Variants in ZGLP1 observed in about 807,000 individuals in gnomAD.
ZGLP1 encodes zinc finger GATA like protein 1.
ZGLP1 carries 11 observed loss-of-function variants against 21.4 expected under a neutral mutation model. That is an observed-to-expected ratio of 0.51 (90% CI 0.32 to 0.85). ZGLP1 has a LOEUF of 0.85. Ranked by LOEUF, ZGLP1 falls within the 40% of genes least tolerant of loss-of-function variation. The probability of loss-of-function intolerance (pLI) is 0.03; values close to 1 mark genes in which losing one functional copy is unlikely to be tolerated. For missense variants in ZGLP1, 295 were observed against 355.6 expected, an observed-to-expected ratio of 0.83 and a Z score of 1.37; for synonymous variants, 148 against 145.0, an observed-to-expected ratio of 1.02 and a Z score of -0.15.
In ZGLP1 at chr19:10,308,614, GTTC is replaced by G. The variant is rs775707038; in HGVS notation, c.65_67del (p.Gly22_Thr23delinsAla). ...ACTCCTGGGTTTAGCCGGCCAGGGG[GTTC>G]CAACTTGGGCCGGCTCTTTGTGTAC... On this transcript the variant is annotated inframe_deletion, in exon 1 of 4. Coordinates refer to ENST00000403903, the Ensembl canonical transcript of ZGLP1. The G allele has an allele frequency of 2.6e-6, 4 of 1,540,460 alleles. No homozygotes were observed. In the East Asian group the frequency reaches 6.8e-5, roughly 26 times the overall value.
At chr19:10,307,044 G>A (rs536928677) in intron 1 of ZGLP1, among the ~76,000 whole-genome samples, 7 of 151,374 alleles carry the variant, frequency 4.6e-5, no homozygotes, top group African/African-American at 1.5e-4. Context: ...TGAGGCAGGA[G>A]AATCGTTTGA....
exon 1 of ZGLP1, chr19:10,308,468 C>G: frequency 4.3e-6 from 7 of 1,611,536 alleles, no homozygotes; most frequent in Non-Finnish European, 5.9e-6. Flanking sequence ...GTGTCCTGGG[C>G]AGGGGACTGA....
exon 1 of ZGLP1, chr19:10,308,925 C>A (rs557491698): frequency 1.5e-5 from 5 of 343,340 alleles, no homozygotes; most frequent in East Asian, 4.4e-5. Flanking sequence ...TCTGTACCCC[C>A]GCCTGGAGTG....
chr19:10,305,527 T>C lies in ZGLP1; in HGVS notation c.605-44A>G, dbSNP rs1292000786. The C allele has an allele frequency of 9.2e-6, 14 of 1,528,654 alleles. No homozygotes were observed. Among genetic ancestry groups the C allele is most frequent in the Admixed American group, 5.8e-5 (3 of 51,494 alleles). 94.7% of individuals were successfully genotyped at this position (1,528,654 alleles called of 1,614,324 possible). A position where few individuals can be genotyped will look rare whatever the true frequency, so the allele number is the denominator to read the frequency against. On this transcript the variant is annotated intron_variant, in intron 2 of 3. Coordinates refer to ENST00000403903, the Ensembl canonical transcript of ZGLP1. This position sits in a 1 kb window ranked among gnomAD's most constrained non-coding sequence, Gnocchi z 4.7. ...AAGGGCAGGGGTCAGAGGCCAAGCA[T>C]GTGAGCTCGGGATGCCTGTGCGGAG...
chr19:10,305,727 C>T lies in ZGLP1; in HGVS notation c.604+119G>A. The stretch of plus-strand genomic sequence containing the variant: ...CCAAGTGGAGGGGGGTGCTGCGACT[C>T]CTCCCTGAGGGCTCTAAATGGGGAA... On this transcript the variant is annotated intron_variant, in intron 2 of 3. Coordinates refer to ENST00000403903, the Ensembl canonical transcript of ZGLP1. The surrounding 1 kb of genome is among the most constrained non-coding windows in gnomAD (Gnocchi z 4.7). 3 of 875,422 alleles carry T rather than the reference C, an allele frequency of 3.4e-6. No individual in the cohort carries two copies. The highest frequency in any genetic ancestry group is 5.5e-6 in the Non-Finnish European group (3 of 542,900). 54.2% of individuals were successfully genotyped at this position (875,422 alleles called of 1,614,324 possible).
intron 1 of ZGLP1, among the ~76,000 whole-genome samples, chr19:10,307,516 G>GTTT (rs34638207): frequency 3.1e-5 from 4 of 130,586 alleles, no homozygotes; most frequent in Non-Finnish European, 3.2e-5. Flanking sequence ...TTCCCAGCTA[G>GTTT]TTTTTTTTTT....
rs2040273105 is a variant in ZGLP1 at position 10,305,323 on chromosome 19, G to A, written c.698+67C>T. 6.5e-7 allele frequency: 1 copy of A among 1,539,654 alleles called. No individual in the cohort carries two copies. Among genetic ancestry groups the A allele is most frequent in the Non-Finnish European group, 8.9e-7 (1 of 1,128,350 alleles). ...GTTTTGCTTTTTGCTTTCCCCACAG[G>A]CCATCCTGGTTACACGTGGACTGAT... On this transcript the variant is annotated intron_variant, in intron 3 of 3. Coordinates refer to ENST00000403903, the Ensembl canonical transcript of ZGLP1. This position sits in a 1 kb window ranked among gnomAD's most constrained non-coding sequence, Gnocchi z 4.7.
rs758177089 is a variant in ZGLP1 at position 10,305,888 on chromosome 19, G to T, written c.562C>A (p.Pro188Thr). Residue 188 changes from proline (P) to threonine (T), a missense_variant, in exon 2 of 4, where the codon CCA becomes ACA. Physicochemically the swap from Pro to Thr is conservative, Grantham distance 38. Around this residue, in one of 2 missense-constraint regions of ZGLP1, gnomAD observed 252 missense variants for 264.0 expected, o/e 0.95. Coordinates refer to ENST00000403903, the Ensembl canonical transcript of ZGLP1. The surrounding 1 kb of genome is among the most constrained non-coding windows in gnomAD (Gnocchi z 4.7). The stretch of plus-strand genomic sequence containing the variant: ...GCTGAGTGGGCCTCGGTGCCTCCTG[G>T]GTGGGCTGCAGGGCCCCCAACAGCA... 1.8e-5 allele frequency: 28 copies of T among 1,563,964 alleles called. 1 individual carries two copies. The South Asian group carries it at 3.1e-4, about 17-fold the overall frequency.
Position 10,305,142 on chromosome 19 carries a change from C to G in ZGLP1, c.765G>C (p.Lys255Asn). ...ACACTCCACATCTGCCACATAGCCTCTTGGGCTGGACATTTTTCCTGGGCA... is the reference window on the plus strand; with the variant it reads ...ACACTCCACATCTGCCACATAGCCTGTTGGGCTGGACATTTTTCCTGGGCA... Residue 255 changes from lysine (K) to asparagine (N), a missense_variant, in exon 4 of 4, where the codon AAG (lysine) becomes AAC (asparagine). Physicochemically the swap from Lys to Asn is moderately conservative, Grantham distance 94 (BLOSUM62 0). This residue lies in a region of ZGLP1 where 43 missense variants were observed against 91.7 expected (regional missense o/e 0.47). Transcript: ENST00000403903. The surrounding 1 kb of genome is among the most constrained non-coding windows in gnomAD (Gnocchi z 4.7). 6 of 1,614,012 alleles carry G rather than the reference C, an allele frequency of 3.7e-6. No homozygotes were observed. The highest frequency in any genetic ancestry group is 5.1e-6 in the Non-Finnish European group (6 of 1,179,904).
Position 10,305,212 on chromosome 19 carries a change from G to A in ZGLP1, c.699-4C>T, listed in dbSNP as rs1424490193. ...GCGAGTGCCGTATTTCTTGTACCTA[G>A]GGTTGGGGGACAAGAAACTGCCATT... is the stretch of plus-strand genomic sequence containing the variant. On this transcript the variant is annotated splice_region_variant and splice_polypyrimidine_tract_variant and intron_variant, in intron 3 of 3. Transcript: ENST00000403903. This position sits in a 1 kb window ranked among gnomAD's most constrained non-coding sequence, Gnocchi z 4.7. 2.5e-6 allele frequency: 4 copies of A among 1,613,196 alleles called. No individual in the cohort carries two copies. In the Admixed American group the frequency reaches 6.7e-5, roughly 27 times the overall value.
At position 10,305,447 on chromosome 19, in the gene ZGLP1, G is replaced by C; in HGVS notation, c.641C>G (p.Thr214Ser). 6.2e-7 allele frequency: 1 copy of C among 1,600,060 alleles called. No homozygotes were observed. Among genetic ancestry groups the C allele is most frequent in the Non-Finnish European group, 8.5e-7 (1 of 1,173,498 alleles). The change falls in exon 3 of 4, where the codon ACC becomes AGC. Residue 214 changes from threonine to serine, a missense_variant. By Grantham distance (58) the Thr-to-Ser change is moderately conservative. Coordinates refer to ENST00000403903, the Ensembl canonical transcript of ZGLP1. This position sits in a 1 kb window ranked among gnomAD's most constrained non-coding sequence, Gnocchi z 4.7. ...ATCTTCAGCGTCTCTCCAGAGCGGG[G>C]TCCTCTGGGTCCGACAGGAAGCACA... is the stretch of plus-strand genomic sequence containing the variant.
At chr19:10,308,331 C>T (rs767271194) in exon 1 of ZGLP1, 1 of 1,610,674 alleles carries the variant, frequency 6.2e-7, no homozygotes, top group Non-Finnish European at 8.5e-7. Context: ...CCGAGGGAGT[C>T]CCCGGGGGCT....
chr19:10,306,807 C>T (rs2040282225), intron 1 of ZGLP1, among the ~76,000 whole-genome samples: 1 of 151,618 alleles, frequency 6.6e-6, no homozygotes, highest in African/African-American at 2.4e-5. Context: ...AGAGCAAGAC[C>T]CTGTCTCAAA....
intron 1 of ZGLP1, among the ~76,000 whole-genome samples, chr19:10,306,994 C>T (rs1400331508): frequency 6.6e-6 from 1 of 151,688 alleles, no homozygotes; most frequent in African/African-American, 2.4e-5. Context: ...ATTAGCCAGG[C>T]GTGGTAGCAG....
exon 4 of ZGLP1, chr19:10,304,905 G>A: frequency 1.7e-6 from 1 of 598,012 alleles, no homozygotes; most frequent in Non-Finnish European, 3.0e-6. Context: ...TGGAGAAGGG[G>A]CTGGTGACCC....
In ZGLP1 at chr19:10,305,215, T is replaced by G. The variant is rs1266186146; in HGVS notation, c.699-7A>C. On this transcript the variant is annotated splice_region_variant and splice_polypyrimidine_tract_variant and intron_variant, in intron 3 of 3. Transcript: ENST00000403903. The surrounding 1 kb of genome is among the most constrained non-coding windows in gnomAD (Gnocchi z 4.7). Reference sequence around the variant, plus strand: ...AGTGCCGTATTTCTTGTACCTAGGGTTGGGGGACAAGAAACTGCCATTTAG... The same window carrying G: ...AGTGCCGTATTTCTTGTACCTAGGGGTGGGGGACAAGAAACTGCCATTTAG... The G allele has an allele frequency of 1.2e-6, 2 of 1,612,690 alleles. No individual in the cohort carries two copies. The highest frequency in any genetic ancestry group is 3.3e-5 in the Admixed American group (2 of 59,918).
intron 1 of ZGLP1, among the ~76,000 whole-genome samples, chr19:10,307,452 C>A (rs920832117): frequency 6.6e-6 from 1 of 150,704 alleles, no homozygotes; most frequent in East Asian, 2.0e-4. Context: ...TGGGTTCAAG[C>A]GATTCTCCTG....
At chr19:10,307,779 G>A (rs1299592284) in intron 1 of ZGLP1, among the ~76,000 whole-genome samples, 3 of 152,236 alleles carry the variant, frequency 2.0e-5, no homozygotes, top group Non-Finnish European at 4.4e-5. Flanking sequence ...GCCTCCCAAA[G>A]TGATGGGATT....
At position 10,305,361 on chromosome 19, in the gene ZGLP1, G is replaced by T. The variant is rs1050276926; in HGVS notation, c.698+29C>A. ...CACGTGGACTGATTTGGGGACCCCC[G>T]CCCCAACTCCCTCCTCCATTCTAAG... On this transcript the variant is annotated intron_variant, in intron 3 of 3. Transcript: ENST00000403903. The surrounding 1 kb of genome is among the most constrained non-coding windows in gnomAD (Gnocchi z 4.7). 1.3e-6 allele frequency: 2 copies of T among 1,564,380 alleles called. No homozygotes were observed. Among genetic ancestry groups the T allele is most frequent in the South Asian group, 2.3e-5 (2 of 85,986 alleles).
Sources: allele counts gnomAD v4.1 joint callset (sites outside exome capture counted in the v4.1 genomes callset), GRCh38; gene constraint gnomAD v4.1.1; regional missense constraint gnomAD v4.1.1; non-coding constraint Gnocchi (gnomAD v3.1); transcripts MANE v1.5; gene names NCBI Gene and HGNC (gene_info 2026-07-23, HGNC 2026-07-21).